CNTNAP2: variants seen among roughly 807,000 people sequenced by gnomAD.
The protein encoded by CNTNAP2 is contactin-associated protein-like 2.
Under a neutral mutation model 155.2 loss-of-function variants are expected in CNTNAP2, and 98 were observed. The observed-to-expected ratio is 0.63, with a 90% CI of 0.54 to 0.75. The LOEUF (loss-of-function observed/expected upper bound fraction) is 0.75. CNTNAP2 is among the 30% of genes least tolerant of loss of function. The probability of loss-of-function intolerance (pLI) is 0.00; values close to 1 mark genes in which losing one functional copy is unlikely to be tolerated. For synonymous variants in CNTNAP2, 651 were observed against 631.2 expected (o/e 1.03, Z -0.47); for missense variants, 1,727 against 1,688.1 (o/e 1.02, Z -0.40).
At chr7:146,171,094 A>G (rs1181484421) in intron 1 of CNTNAP2, among the ~76,000 whole-genome samples, 1 of 152,154 alleles carries the variant, frequency 6.6e-6, no homozygotes, top group Non-Finnish European at 1.5e-5. Flanking sequence ...GCAAGGGAAC[A>G]GCTTTCTGGA....
chr7:147,868,559 C>A (rs1799272052), intron 13 of CNTNAP2, among the ~76,000 whole-genome samples: 1 of 152,246 alleles, frequency 6.6e-6, no homozygotes, highest in Admixed American at 6.5e-5. Flanking sequence ...TTTTCTTGAG[C>A]TATGCCCTGC....
chr7:146,933,981 A>G (rs112780884), intron 3 of CNTNAP2, among the ~76,000 whole-genome samples: 2,444 of 152,210 alleles, frequency 0.016, 65 homozygotes, highest in African/African-American at 0.056. Flanking sequence ...GAACACTTTT[A>G]CACTGTGGGT....
intron 3 of CNTNAP2, among the ~76,000 whole-genome samples, chr7:146,852,001 T>C (rs1049865164): frequency 3.3e-5 from 5 of 152,092 alleles, no homozygotes; most frequent in Non-Finnish European, 5.9e-5. Context: ...TTTCATTTTA[T>C]ATGGCATTCA....
chr7:147,277,738 C>T lies in CNTNAP2; in HGVS notation c.1349-22403C>T, dbSNP rs1804930493. ...GAAATCTGTTATTATGCCATTTCTT[C>T]CGTCTATAAAGTTCTTACTAGATTA... On this transcript the variant is annotated intron_variant, in intron 8 of 23. Coordinates refer to ENST00000361727, the MANE Select transcript of CNTNAP2 (RefSeq NM_014141.6). 2.0e-5 allele frequency among the ~76,000 whole-genome samples: 3 copies of T among 151,600 alleles called. No individual in the cohort carries two copies. The South Asian group carries it at 6.2e-4, about 31-fold the overall frequency.
At chr7:147,945,870 T>TC (rs1291796919) in intron 14 of CNTNAP2, among the ~76,000 whole-genome samples, 1 of 142,444 alleles carries the variant, frequency 7.0e-6, no homozygotes, top group Non-Finnish European at 1.5e-5. Context: ...TTCTTTTTCT[T>TC]TTTTTTTTTT....
chr7:147,620,905 T>A (rs1074675), intron 12 of CNTNAP2, among the ~76,000 whole-genome samples: 13,612 of 151,958 alleles, frequency 0.09, 1,677 homozygotes, highest in African/African-American at 0.26. Context: ...CTAAGCAGAT[T>A]TGACCCAAAG....
At chr7:146,200,237 T>A (rs1798837968) in intron 1 of CNTNAP2, among the ~76,000 whole-genome samples, 1 of 152,174 alleles carries the variant, frequency 6.6e-6, no homozygotes, top group South Asian at 2.1e-4. Context: ...GGCTCACGCC[T>A]GTAATTCCAG....
chr7:146,313,391 T>C (rs570280118), intron 1 of CNTNAP2, among the ~76,000 whole-genome samples: 18 of 152,204 alleles, frequency 1.2e-4, no homozygotes, highest in Non-Finnish European at 1.8e-4. Context: ...CTTTGCACAT[T>C]TTATAATTGG....
In CNTNAP2 at chr7:147,945,707, A is replaced by C. The variant is rs903647362; in HGVS notation, c.2256-32155A>C. Reference sequence around the variant, plus strand: ...AAAGCCTTTATATATATATATATATAACTAATCACAAACATGCTCAGACTC... The same window carrying C: ...AAAGCCTTTATATATATATATATATCACTAATCACAAACATGCTCAGACTC... On this transcript the variant is annotated intron_variant, in intron 14 of 23. Transcript: ENST00000361727. Among the ~76,000 whole-genome samples, 4 of 147,528 alleles carry C rather than the reference A, an allele frequency of 2.7e-5. No homozygotes were observed. In the South Asian group the frequency reaches 6.4e-4, roughly 24 times the overall value.
At chr7:147,857,786 A>G (rs1799064192) in intron 13 of CNTNAP2, among the ~76,000 whole-genome samples, 1 of 152,244 alleles carries the variant, frequency 6.6e-6, no homozygotes, top group Non-Finnish European at 1.5e-5. Flanking sequence ...GAGCACTAGA[A>G]AAATTCGTAA....
intron 13 of CNTNAP2, among the ~76,000 whole-genome samples, chr7:147,687,435 AGAAGCT>A (rs1414331194): frequency 6.6e-6 from 1 of 152,104 alleles, no homozygotes; most frequent in East Asian, 1.9e-4. Context: ...TAATGAAGTA[AGAAGCT>A]GAGAATGAGA....
At chr7:146,676,053 T>A (rs929279420) in intron 1 of CNTNAP2, among the ~76,000 whole-genome samples, 1 of 152,182 alleles carries the variant, frequency 6.6e-6, no homozygotes, top group African/African-American at 2.4e-5. Context: ...CTTGATAGGC[T>A]AAGCTATATT....
intron 14 of CNTNAP2, among the ~76,000 whole-genome samples, chr7:147,975,573 T>C (rs1801415240): frequency 6.6e-6 from 1 of 152,148 alleles, no homozygotes; most frequent in Non-Finnish European, 1.5e-5. Context: ...CAGAGCACCT[T>C]CTCTTCCTAC....
At chr7:146,784,439 A>C (rs533331413) in intron 2 of CNTNAP2, among the ~76,000 whole-genome samples, 1 of 152,216 alleles carries the variant, frequency 6.6e-6, no homozygotes, top group Non-Finnish European at 1.5e-5. Context: ...AAACTATCCT[A>C]TTTGGTACTG....
intron 1 of CNTNAP2, among the ~76,000 whole-genome samples, chr7:146,398,703 A>C (rs1487299061): frequency 6.6e-6 from 1 of 152,158 alleles, no homozygotes; most frequent in Non-Finnish European, 1.5e-5. Flanking sequence ...GGACTTTGAA[A>C]TATGTCTCTT....
At chr7:147,531,121 T>C (rs1049512450) in intron 11 of CNTNAP2, among the ~76,000 whole-genome samples, 2 of 152,188 alleles carry the variant, frequency 1.3e-5, no homozygotes, top group African/African-American at 4.8e-5. Flanking sequence ...TCCTCCCCTA[T>C]GGCTTTACAG....
chr7:146,337,177 A>C (rs1420717894), intron 1 of CNTNAP2, among the ~76,000 whole-genome samples: 1 of 152,188 alleles, frequency 6.6e-6, no homozygotes, highest in Non-Finnish European at 1.5e-5. Flanking sequence ...AATTATTTCA[A>C]AATAAAAAAT....
At chr7:146,864,275 T>A (rs1795160126) in intron 3 of CNTNAP2, among the ~76,000 whole-genome samples, 1 of 152,072 alleles carries the variant, frequency 6.6e-6, no homozygotes. Flanking sequence ...GTGGTATTTA[T>A]CCCAGGAAAG....
intron 11 of CNTNAP2, among the ~76,000 whole-genome samples, chr7:147,552,574 AC>A (rs1562993469): frequency 2.0e-4 from 14 of 70,300 alleles, no homozygotes; most frequent in African/African-American, 4.9e-4. Context: ...TTTCCTCAAC[AC>A]ACACACACAC....
Sources: gnomAD v4.1 joint callset for allele counts (sites outside exome capture counted in the v4.1 genomes callset) on GRCh38, gnomAD v4.1.1 for gene constraint, MANE v1.5 for transcripts, NCBI Gene and HGNC (gene_info 2026-07-23, HGNC 2026-07-21) for gene names.